The following CDC42SE2 variants were observed in gnomAD, a reference collection of about 807,000 sequenced individuals.
CDC42SE2 encodes CDC42 small effector 2, also known as CDC42 small effector protein 2.
In CDC42SE2, 3 loss-of-function variants were observed where a neutral mutation model predicts 11.5. The observed-to-expected ratio is 0.26, with a 90% CI of 0.12 to 0.67. CDC42SE2 has a LOEUF of 0.67. CDC42SE2 is among the 30% of genes least tolerant of loss of function. The probability of loss-of-function intolerance (pLI) is 0.80; values close to 1 mark genes in which losing one functional copy is unlikely to be tolerated. For synonymous variants in CDC42SE2, 33 were observed against 34.8 expected, an observed-to-expected ratio of 0.95 and a Z score of 0.18; for missense variants, 82 against 106.8, an observed-to-expected ratio of 0.77 and a Z score of 1.02.
At chr5:131,260,238 T>C (rs1756711868), upstream of CDC42SE2, among the ~76,000 whole-genome samples, 1 of 152,192 alleles carries the variant, frequency 6.6e-6, no homozygotes, top group Admixed American at 6.5e-5. Flanking sequence ...CAGCAGAATT[T>C]GGATTTGAAC....
chr5:131,268,606 C>G (rs1756923031), intron 1 of CDC42SE2, among the ~76,000 whole-genome samples: 1 of 151,952 alleles, frequency 6.6e-6, no homozygotes, highest in South Asian at 2.1e-4. Flanking sequence ...GCATGCACCA[C>G]CATGCTCGGC....
chr5:131,213,112 G>T, the CDC42SE2 span, among the ~76,000 whole-genome samples: 1 of 152,176 alleles, frequency 6.6e-6, no homozygotes, highest in East Asian at 1.9e-4. Flanking sequence ...AGAATCACTT[G>T]AACCCAGGAG....
intron 1 of CDC42SE2, chr5:131,253,115 A>G (rs1310246319): frequency 1.3e-5 from 2 of 152,234 alleles, no homozygotes; most frequent in Non-Finnish European, 1.5e-5. Flanking sequence ...CAGAGAATGA[A>G]ACACTCATCG....
intron 2 of CDC42SE2, among the ~76,000 whole-genome samples, chr5:131,334,802 G>A (rs953954169): frequency 2.0e-5 from 3 of 152,126 alleles, no homozygotes; most frequent in African/African-American, 4.8e-5. Context: ...CTGTGGGATG[G>A]GTGGTGATAT....
chr5:131,343,268 A>G lies in CDC42SE2; in HGVS notation c.-285-15941A>G, dbSNP rs147553735. Among the ~76,000 whole-genome samples the G allele has an allele frequency of 4.3e-3, 650 of 152,262 alleles. 28 individuals carry two copies. Among genetic ancestry groups the G allele is most frequent in the Admixed American group, 0.039 (592 of 15,286 alleles). On this transcript the variant is annotated intron_variant, in intron 2 of 4. Coordinates refer to ENST00000505065, the MANE Select transcript of CDC42SE2 (RefSeq NM_001375635.1). ...AGATGCTTATTAGCAGGTGGATATAAATGTCTAGTAGACTCAAGAGAGAAG... is the reference window on the plus strand; with the variant it reads ...AGATGCTTATTAGCAGGTGGATATAGATGTCTAGTAGACTCAAGAGAGAAG...
chr5:131,265,862 T>G (rs1040413731), intron 1 of CDC42SE2, among the ~76,000 whole-genome samples: 1 of 152,236 alleles, frequency 6.6e-6, no homozygotes, highest in Non-Finnish European at 1.5e-5. Context: ...TACAGTGTAT[T>G]GAAGGGTAAT....
chr5:131,363,038 G>A (rs529217161), intron 3 of CDC42SE2, among the ~76,000 whole-genome samples: 10 of 151,980 alleles, frequency 6.6e-5, no homozygotes, highest in African/African-American at 2.2e-4. Flanking sequence ...TAGCTACTCC[G>A]GAGGCTGAGG....
rs1554066880 is a variant in CDC42SE2, at chr5:131,392,156, C to CTAT, written c.*1067_*1069dup. On this transcript the variant is annotated 3_prime_UTR_variant, in exon 5 of 5. Transcript: ENST00000505065. ...AACACCATTTTGCAGTTTTTTTTTT[C>CTAT]TATTTTAAACATTTTTCTTTTCACT... The CTAT allele has an allele frequency of 4.0e-5, 6 of 150,296 alleles. No homozygotes were observed. Among genetic ancestry groups the CTAT allele is most frequent in the East Asian group, 3.8e-4 (2 of 5,274 alleles). The allele number at this position is 150,296 out of a possible 1,614,324, so 9.3% of individuals were successfully genotyped here.
At chr5:131,307,426 G>A (rs1041425288) in intron 1 of CDC42SE2, among the ~76,000 whole-genome samples, 65 of 151,966 alleles carry the variant, frequency 4.3e-4, no homozygotes, top group African/African-American at 8.5e-4. Flanking sequence ...ATAGTATTCC[G>A]TGGTGTATAT....
At chr5:131,331,355 A>G (rs1173966254) in intron 2 of CDC42SE2, among the ~76,000 whole-genome samples, 1 of 152,196 alleles carries the variant, frequency 6.6e-6, no homozygotes, top group African/African-American at 2.4e-5. Context: ...GCTTATAAGA[A>G]TCAACATAAT....
chr5:131,333,666 T>C (rs1441705834), intron 2 of CDC42SE2, among the ~76,000 whole-genome samples: 2 of 152,198 alleles, frequency 1.3e-5, no homozygotes, highest in African/African-American at 4.8e-5. Flanking sequence ...GTAGTTCTCC[T>C]TGAAGAGGTC....
At chr5:131,309,693 G>A (rs1757859124) in intron 1 of CDC42SE2, among the ~76,000 whole-genome samples, 2 of 151,714 alleles carry the variant, frequency 1.3e-5, no homozygotes, top group African/African-American at 2.4e-5. Context: ...ATGTGTCCAG[G>A]AATTTATCCA....
At chr5:131,222,077 T>TGC in the CDC42SE2 span, among the ~76,000 whole-genome samples, 1 of 152,250 alleles carries the variant, frequency 6.6e-6, no homozygotes, top group Non-Finnish European at 1.5e-5. Flanking sequence ...TGACTCATCA[T>TGC]TACATAATGC....
the CDC42SE2 span, among the ~76,000 whole-genome samples, chr5:131,235,045 C>T: frequency 6.6e-6 from 1 of 151,730 alleles, no homozygotes; most frequent in Admixed American, 6.6e-5. Context: ...CCCGCCACCA[C>T]ACCTGGCTAA....
chr5:131,347,023 T>C (rs965656750), intron 2 of CDC42SE2, among the ~76,000 whole-genome samples: 1 of 152,068 alleles, frequency 6.6e-6, no homozygotes, highest in Admixed American at 6.6e-5. Context: ...TTTATAGCAC[T>C]AAATGCCCAC....
intron 1 of CDC42SE2, among the ~76,000 whole-genome samples, chr5:131,311,496 C>T (rs1449810978): frequency 6.6e-6 from 1 of 151,674 alleles, no homozygotes; most frequent in African/African-American, 2.4e-5. Context: ...GCCTGCCTTG[C>T]TAGATTGGGG....
chr5:131,324,165 A>G (rs1342971735), intron 2 of CDC42SE2, among the ~76,000 whole-genome samples: 1 of 152,208 alleles, frequency 6.6e-6, no homozygotes, highest in Non-Finnish European at 1.5e-5. Flanking sequence ...TAGAAGTATT[A>G]TTTCTAAAAT....
chr5:131,305,466 C>G (rs1179977287), intron 1 of CDC42SE2, among the ~76,000 whole-genome samples: 1 of 152,150 alleles, frequency 6.6e-6, no homozygotes, highest in Admixed American at 6.5e-5. Context: ...TCCTCCTTTG[C>G]CTTATTTGAA....
intron 3 of CDC42SE2, among the ~76,000 whole-genome samples, chr5:131,366,868 A>C (rs1294738479): frequency 6.6e-6 from 1 of 151,872 alleles, no homozygotes; most frequent in Non-Finnish European, 1.5e-5. Flanking sequence ...CTCTACAAAA[A>C]ATTTTAAAAA....
Sources: allele counts gnomAD v4.1 joint callset (sites outside exome capture counted in the v4.1 genomes callset), GRCh38; gene constraint gnomAD v4.1.1; transcripts MANE v1.5; gene names NCBI Gene and HGNC (gene_info 2026-07-23, HGNC 2026-07-21).